DNAH8: variants seen among roughly 807,000 people sequenced by gnomAD.
The protein encoded by DNAH8 is axonemal beta dynein heavy chain 8.
Under a neutral mutation model 562.1 loss-of-function variants are expected in DNAH8, and 382 were observed. The observed-to-expected ratio is 0.68, with a 90% CI of 0.63 to 0.74. DNAH8 has a LOEUF of 0.74. DNAH8 is among the 30% of genes least tolerant of loss of function. The probability of loss-of-function intolerance (pLI) is 0.00; values close to 1 mark genes in which losing one functional copy is unlikely to be tolerated. For missense variants in DNAH8, 5,203 were observed against 5,620.4 expected (o/e 0.93, Z 2.37); for synonymous variants, 1,881 against 1,919.4 (o/e 0.98, Z 0.52).
intron 70 of DNAH8, among the ~76,000 whole-genome samples, chr6:38,921,086 C>A (rs1387055003): frequency 6.6e-6 from 1 of 152,074 alleles, no homozygotes; most frequent in African/African-American, 2.4e-5. Context: ...GAAACAAGAT[C>A]TCACTATTTT....
intron 57 of DNAH8, among the ~76,000 whole-genome samples, chr6:38,888,705 A>T (rs1367786578): frequency 6.6e-6 from 1 of 152,238 alleles, no homozygotes; most frequent in Non-Finnish European, 1.5e-5. Context: ...TACCCACTAG[A>T]TTTGCAAAAA....
At chr6:38,893,091 C>T (rs1050022046) in intron 58 of DNAH8, among the ~76,000 whole-genome samples, 11 of 152,244 alleles carry the variant, frequency 7.2e-5, no homozygotes, top group South Asian at 6.2e-4. Flanking sequence ...AATAAAAGCC[C>T]GCTTGATGGC....
Position 38,744,899 on chromosome 6 carries a change from C to T in DNAH8, c.1293+3012C>T, listed in dbSNP as rs190237235. 1.2e-3 allele frequency among the ~76,000 whole-genome samples: 177 copies of T among 152,228 alleles called. 1 individual carries two copies. Among genetic ancestry groups the T allele is most frequent in the African/African-American group, 4.0e-3 (165 of 41,542 alleles). ...AGACGTGAGCCACTGTGCCTGGCCA[C>T]TTGGAGTCCTTTATATAATATGGAT... is the stretch of plus-strand genomic sequence containing the variant. On this transcript the variant is annotated intron_variant, in intron 8 of 92. Coordinates refer to ENST00000327475, the MANE Select transcript of DNAH8 (RefSeq NM_001206927.2).
intron 41 of DNAH8, among the ~76,000 whole-genome samples, chr6:38,854,690 G>T (rs1776043400): frequency 6.6e-6 from 1 of 151,968 alleles, no homozygotes; most frequent in Admixed American, 6.6e-5. Context: ...TGTATATCCT[G>T]AAGGAGAGGC....
Position 38,918,000 on chromosome 6 carries a change from T to C in DNAH8, c.10384T>C (p.Leu3462=). 1 of 1,613,846 alleles carries C rather than the reference T, an allele frequency of 6.2e-7. No individual in the cohort carries two copies. The highest frequency in any genetic ancestry group is 1.1e-5 in the South Asian group (1 of 91,068). ...KDTINEETVE[L]LQPYFNMDDY... ...CACTATAAATGAAGAGACTGTTGAG[T>C]TACTACAGCCATATTTTAATATGGA... is the stretch of plus-strand genomic sequence containing the variant. The change falls in exon 70 of 93, where the codon TTA becomes CTA. Residue 3462 remains leucine (L), a synonymous_variant. Transcript: ENST00000327475.
chr6:38,913,433 G>T (rs937534686), intron 66 of DNAH8, among the ~76,000 whole-genome samples: 1 of 152,106 alleles, frequency 6.6e-6, no homozygotes, highest in Non-Finnish European at 1.5e-5. Flanking sequence ...TTATAACAAA[G>T]AGAACCACAA....
intron 7 of DNAH8, among the ~76,000 whole-genome samples, chr6:38,740,912 CCT>C (rs1764471545): frequency 1.3e-5 from 2 of 152,182 alleles, no homozygotes; most frequent in Admixed American, 1.3e-4. Context: ...CTGCTCCCAA[CCT>C]TAGATATGCT....
At chr6:38,797,661 A>G (rs563454203) in intron 21 of DNAH8, among the ~76,000 whole-genome samples, 33 of 152,344 alleles carry the variant, frequency 2.2e-4, no homozygotes, top group Admixed American at 2.0e-3. Flanking sequence ...CATAAAGTAG[A>G]TGAAACCTAA....
chr6:38,771,152 G>C (rs1051620603), intron 12 of DNAH8, among the ~76,000 whole-genome samples: 1 of 152,056 alleles, frequency 6.6e-6, no homozygotes, highest in Admixed American at 6.5e-5. Flanking sequence ...CCCCAACTTC[G>C]CTAATTCCCT....
chr6:38,868,247 CT>C, intron 48 of DNAH8, 51 bp downstream of exon 48: 1 of 1,546,242 alleles, frequency 6.5e-7, no homozygotes, highest in Non-Finnish European at 8.8e-7. Flanking sequence ...TTGTTTCTTT[CT>C]ATTTGGTGGA....
At chr6:38,835,676 G>A (rs544818542) in intron 32 of DNAH8, among the ~76,000 whole-genome samples, 6 of 152,230 alleles carry the variant, frequency 3.9e-5, no homozygotes, top group African/African-American at 1.4e-4. Flanking sequence ...ATGGGGAGAT[G>A]TAAGGAGTGC....
chr6:38,870,674 C>A, intron 49 of DNAH8, 112 bp downstream of exon 49: 1 of 1,055,910 alleles, frequency 9.5e-7, no homozygotes, highest in Non-Finnish European at 1.4e-6. Flanking sequence ...TAAATGAAAA[C>A]ATCATATATA....
chr6:38,934,226 G>A (rs1218609715), intron 76 of DNAH8, among the ~76,000 whole-genome samples: 4 of 151,928 alleles, frequency 2.6e-5, no homozygotes, highest in East Asian at 1.9e-4. Flanking sequence ...GGTGGTGCAC[G>A]CCTGTAGTCC....
chr6:38,795,465 A>C lies in DNAH8; in HGVS notation c.2901+3791A>C, dbSNP rs1414638057. 2.0e-5 allele frequency among the ~76,000 whole-genome samples: 3 copies of C among 152,096 alleles called. No individual in the cohort carries two copies. The East Asian group carries it at 5.8e-4, about 29-fold the overall frequency. ...TGTGGTGGCGGGTGCCTGTAGTCCC[A>C]GCTACTTGGGAGGCTGAGGCAGGAG... On this transcript the variant is annotated intron_variant, in intron 21 of 92. Coordinates refer to ENST00000327475, the MANE Select transcript of DNAH8 (RefSeq NM_001206927.2).
chr6:38,817,362 A>G (rs1166166533), intron 26 of DNAH8, among the ~76,000 whole-genome samples: 2 of 152,048 alleles, frequency 1.3e-5, no homozygotes, highest in African/African-American at 4.8e-5. Flanking sequence ...AAAAACAAAA[A>G]CACCCCCAAG....
chr6:38,821,698 G>A (rs769580475), intron 26 of DNAH8, among the ~76,000 whole-genome samples: 6 of 151,976 alleles, frequency 3.9e-5, no homozygotes, highest in Non-Finnish European at 8.8e-5. Context: ...AAGTAGATGG[G>A]ACTACCGGCA....
intron 66 of DNAH8, among the ~76,000 whole-genome samples, chr6:38,913,266 C>T (rs1414966312): frequency 6.6e-6 from 1 of 152,156 alleles, no homozygotes; most frequent in African/African-American, 2.4e-5. Flanking sequence ...CAGATGAGGG[C>T]TTCCCCTTTT....
intron 64 of DNAH8, among the ~76,000 whole-genome samples, chr6:38,909,258 G>A (rs566209307): frequency 6.6e-6 from 1 of 152,286 alleles, no homozygotes; most frequent in South Asian, 2.1e-4. Flanking sequence ...CTCTAAAAGA[G>A]TACTAGTTTA....
rs371142312 is a variant in DNAH8 at position 39,005,492 on chromosome 6, C to CCAAT, written c.13215-3321_13215-3318dup. 1.4e-3 allele frequency among the ~76,000 whole-genome samples: 209 copies of CCAAT among 152,276 alleles called. No homozygotes were observed. The Middle Eastern group carries it at 0.024, about 17-fold the overall frequency. On this transcript the variant is annotated intron_variant, in intron 88 of 92. Coordinates refer to ENST00000327475, the MANE Select transcript of DNAH8 (RefSeq NM_001206927.2). ...AGGTTCAGGTTTCTCCACATCCTTG[C>CCAAT]CAATATTTGTTATTATGTGTCTTGT...
Sources: allele counts gnomAD v4.1 joint callset (sites outside exome capture counted in the v4.1 genomes callset), GRCh38; gene constraint gnomAD v4.1.1; transcripts MANE v1.5; gene names NCBI Gene and HGNC (gene_info 2026-07-23, HGNC 2026-07-21).